Variants in PRKG1 observed in about 807,000 individuals in gnomAD.
PRKG1 encodes protein kinase cGMP-dependent 1.
A neutral mutation model predicts 88.1 loss-of-function variants in PRKG1; 35 were observed. The observed-to-expected ratio is 0.40, with a 90% confidence interval of 0.30 to 0.53. PRKG1 has a LOEUF of 0.53. PRKG1 is among the 20% of genes least tolerant of loss of function. The pLI is 0.59. For missense variants in PRKG1, 540 were observed against 839.8 expected (o/e 0.64, Z 4.41); for synonymous variants, 303 against 292.5 (o/e 1.04, Z -0.37).
intron 14 of PRKG1, 78 bp downstream of exon 14, chr10:52,282,394 T>TAA: frequency 7.4e-7 from 1 of 1,343,206 alleles, no homozygotes; most frequent in South Asian, 1.7e-5. Context: ...TCACTTGGAT[T>TAA]AGACCATCTT....
At chr10:51,866,222 A>G (rs776455259) in intron 4 of PRKG1, among the ~76,000 whole-genome samples, 6 of 152,060 alleles carry the variant, frequency 3.9e-5, no homozygotes, top group Admixed American at 6.6e-5. Context: ...TTTAAATATG[A>G]AGTAATTTTC....
chr10:51,003,436 T>G (rs1253081190), intron 1 of PRKG1, among the ~76,000 whole-genome samples: 2 of 152,194 alleles, frequency 1.3e-5, no homozygotes, highest in East Asian at 3.8e-4. Context: ...CTGTGGAATC[T>G]CTGGGCTTCT....
chr10:51,647,171 G>A (rs550311696), intron 3 of PRKG1, among the ~76,000 whole-genome samples: 1 of 151,158 alleles, frequency 6.6e-6, no homozygotes, highest in African/African-American at 2.4e-5. Flanking sequence ...AAAAAAACTG[G>A]GGTGAAGCAT....
At chr10:51,764,421 T>A (rs1838102796) in intron 3 of PRKG1, among the ~76,000 whole-genome samples, 1 of 152,144 alleles carries the variant, frequency 6.6e-6, no homozygotes, top group Non-Finnish European at 1.5e-5. Context: ...AGAGTATAAT[T>A]AAGTTGCTGA....
intron 2 of PRKG1, among the ~76,000 whole-genome samples, chr10:51,364,689 T>C (rs1379171713): frequency 1.3e-5 from 2 of 151,102 alleles, no homozygotes; most frequent in Admixed American, 6.6e-5. Flanking sequence ...AACCTATAGA[T>C]AGAAAAAAAT....
chr10:51,194,194 TAGA>T (rs1048710410), intron 2 of PRKG1, among the ~76,000 whole-genome samples: 41 of 152,086 alleles, frequency 2.7e-4, no homozygotes, highest in Non-Finnish European at 5.9e-5. Flanking sequence ...TGGCACACAG[TAGA>T]AGATTAGTAT....
chr10:52,057,896 T>C (rs1361496312), intron 6 of PRKG1, among the ~76,000 whole-genome samples: 1 of 152,022 alleles, frequency 6.6e-6, no homozygotes, highest in Non-Finnish European at 1.5e-5. Flanking sequence ...TTTTTTAATA[T>C]CAAGAACAAG....
intron 3 of PRKG1, among the ~76,000 whole-genome samples, chr10:51,705,772 A>G (rs1038464312): frequency 6.6e-5 from 10 of 152,234 alleles, no homozygotes; most frequent in Non-Finnish European, 1.5e-4. Context: ...GCCTATGTCA[A>G]CTAGCAGAAC....
chr10:51,393,131 C>T (rs977025700), intron 2 of PRKG1, among the ~76,000 whole-genome samples: 14 of 142,560 alleles, frequency 9.8e-5, no homozygotes, highest in African/African-American at 1.9e-4. Flanking sequence ...AGGGTCTCCT[C>T]ACTTCTCAGA....
chr10:51,103,364 G>A (rs1844733887), intron 1 of PRKG1, among the ~76,000 whole-genome samples: 1 of 152,016 alleles, frequency 6.6e-6, no homozygotes, highest in African/African-American at 2.4e-5. Flanking sequence ...AGCTTCAAGG[G>A]GAAATATATT....
At chr10:51,372,149 T>C (rs899129951) in intron 2 of PRKG1, among the ~76,000 whole-genome samples, 2 of 152,202 alleles carry the variant, frequency 1.3e-5, no homozygotes, top group African/African-American at 4.8e-5. Flanking sequence ...ATATCTCTAA[T>C]GGAACTGCTA....
At chr10:51,631,741 A>G (rs1188718797) in intron 3 of PRKG1, among the ~76,000 whole-genome samples, 4 of 152,198 alleles carry the variant, frequency 2.6e-5, no homozygotes, top group African/African-American at 7.2e-5. Flanking sequence ...TCCTGTGAGA[A>G]CTAATGCTGC....
chr10:51,257,905 CT>C (rs1222992036), intron 2 of PRKG1, among the ~76,000 whole-genome samples: 1 of 152,114 alleles, frequency 6.6e-6, no homozygotes, highest in Non-Finnish European at 1.5e-5. Flanking sequence ...AATCAGGGTT[CT>C]TTTGCCAAAA....
At chr10:51,581,627 C>T (rs540453336) in intron 3 of PRKG1, among the ~76,000 whole-genome samples, 16 of 152,262 alleles carry the variant, frequency 1.1e-4, no homozygotes, top group Non-Finnish European at 1.8e-4. Flanking sequence ...GGGGGAAGCA[C>T]GTCACGCGCT....
At chr10:51,677,628 T>C (rs981004854) in intron 3 of PRKG1, among the ~76,000 whole-genome samples, 3 of 152,200 alleles carry the variant, frequency 2.0e-5, no homozygotes, top group Non-Finnish European at 4.4e-5. Flanking sequence ...CAAAGACTCA[T>C]AAAGCACTGT....
chr10:52,031,730 G>A (rs1053955175), intron 5 of PRKG1, among the ~76,000 whole-genome samples: 1 of 152,138 alleles, frequency 6.6e-6, no homozygotes, highest in East Asian at 1.9e-4. Flanking sequence ...TCTAATTTGG[G>A]TATAAGATAT....
chr10:52,279,226 A>G (rs1415659036), intron 12 of PRKG1, among the ~76,000 whole-genome samples: 1 of 152,200 alleles, frequency 6.6e-6, no homozygotes, highest in Non-Finnish European at 1.5e-5. Context: ...TAACTCTGCC[A>G]AAGATATCTC....
intron 2 of PRKG1, among the ~76,000 whole-genome samples, chr10:51,181,061 C>G (rs1473317133): frequency 6.6e-6 from 1 of 151,696 alleles, no homozygotes; most frequent in African/African-American, 2.4e-5. Flanking sequence ...ACTGTTACAC[C>G]TTGGATCAGG....
intron 3 of PRKG1, among the ~76,000 whole-genome samples, chr10:51,681,248 A>G (rs935366605): frequency 6.6e-6 from 1 of 152,164 alleles, no homozygotes; most frequent in Admixed American, 6.5e-5. Context: ...CAATAGCTTT[A>G]TGTAGATAGT....
Sources: gnomAD v4.1 joint callset for allele counts (sites outside exome capture counted in the v4.1 genomes callset) on GRCh38, gnomAD v4.1.1 for gene constraint, MANE v1.5 for transcripts, NCBI Gene and HGNC (gene_info 2026-07-23, HGNC 2026-07-21) for gene names.